ARPP21: variants seen among roughly 807,000 people sequenced by gnomAD.
ARPP21 encodes the protein cAMP regulated phosphoprotein 21, also known as cAMP-regulated phosphoprotein 21.
In ARPP21, 69 loss-of-function variants were observed where a neutral mutation model predicts 113.2. The observed-to-expected ratio is 0.61, with a 90% CI of 0.50 to 0.74. The LOEUF (loss-of-function observed/expected upper bound fraction) is 0.74. Ranked by LOEUF, ARPP21 falls within the 30% of genes least tolerant of loss-of-function variation. The pLI, the probability that ARPP21 is intolerant of heterozygous loss-of-function variation, is 0.00. For missense variants in ARPP21, 1,070 were observed against 1,037.4 expected, an observed-to-expected ratio of 1.03 and a Z score of -0.43; for synonymous variants, 368 against 375.5, an observed-to-expected ratio of 0.98 and a Z score of 0.23.
At chr3:35,711,082 GCTT>G (rs2090982530) in intron 11 of ARPP21, among the ~76,000 whole-genome samples, 1 of 152,198 alleles carries the variant, frequency 6.6e-6, no homozygotes, top group Non-Finnish European at 1.5e-5. Flanking sequence ...AAATGCTGTG[GCTT>G]CTTCTCTCTG....
At chr3:35,748,144 A>G (rs1159800961) in intron 19 of ARPP21, among the ~76,000 whole-genome samples, 1 of 145,820 alleles carries the variant, frequency 6.9e-6, no homozygotes, top group Non-Finnish European at 1.5e-5. Flanking sequence ...GAAAGGGAGA[A>G]AGGAGAGAGA....
intron 1 of ARPP21, among the ~76,000 whole-genome samples, chr3:35,651,500 A>G (rs1702375473): frequency 6.6e-6 from 1 of 152,080 alleles, no homozygotes; most frequent in African/African-American, 2.4e-5. Context: ...TAGCGCTGAA[A>G]GTAAGCACTA....
At chr3:35,717,119 G>A (rs1373509487) in intron 12 of ARPP21, among the ~76,000 whole-genome samples, 179 bp from the exon 13 acceptor site, 1 of 151,668 alleles carries the variant, frequency 6.6e-6, no homozygotes, top group Non-Finnish European at 1.5e-5. Flanking sequence ...CTTAATCCTA[G>A]GGTAGAGATC....
intron 1 of ARPP21, chr3:35,642,391 A>G (rs1367042884): frequency 6.6e-6 from 1 of 152,200 alleles, no homozygotes; most frequent in African/African-American, 2.4e-5. Flanking sequence ...TGGATACTGG[A>G]CAAGGATATT....
intron 19 of ARPP21, among the ~76,000 whole-genome samples, chr3:35,774,068 A>G (rs1424247791): frequency 1.3e-5 from 2 of 152,154 alleles, no homozygotes; most frequent in African/African-American, 2.4e-5. Context: ...AAATGTAGCT[A>G]TGGTAAGATA....
chr3:35,782,570 T>C (rs1413137177), intron 19 of ARPP21, among the ~76,000 whole-genome samples: 1 of 152,066 alleles, frequency 6.6e-6, no homozygotes, highest in Non-Finnish European at 1.5e-5. Flanking sequence ...ATAGTAGTAG[T>C]AGGTGACATG....
At chr3:35,779,021 A>C (rs2096458937) in intron 19 of ARPP21, among the ~76,000 whole-genome samples, 1 of 152,214 alleles carries the variant, frequency 6.6e-6, no homozygotes, top group African/African-American at 2.4e-5. Context: ...AAATGAGCTG[A>C]TAGTTTTAAA....
At chr3:35,644,961 A>G (rs1699643434) in intron 1 of ARPP21, among the ~76,000 whole-genome samples, 1 of 151,936 alleles carries the variant, frequency 6.6e-6, no homozygotes, top group Non-Finnish European at 1.5e-5. Flanking sequence ...TTTGTAATAA[A>G]CTGATATATA....
rs138414695 is a variant in ARPP21, at chr3:35,703,247, T to C, written c.687-3727T>C. Among the ~76,000 whole-genome samples, 13 of 152,006 alleles carry C rather than the reference T, an allele frequency of 8.6e-5. No homozygotes were observed. The East Asian group carries it at 2.5e-3, about 29-fold the overall frequency. ...TAAGAAAGATTAAAAATACTAATAA[T>C]AATGAGTGCTCATCTATTTCAAGCT... On this transcript the variant is annotated intron_variant, in intron 9 of 20. Transcript: ENST00000684406.
intron 1 of ARPP21, among the ~76,000 whole-genome samples, chr3:35,668,346 A>G (rs1322156759): frequency 2.0e-5 from 3 of 152,158 alleles, no homozygotes; most frequent in African/African-American, 7.2e-5. Flanking sequence ...TGGTGAGCCT[A>G]GTGGATTGCC....
At chr3:35,673,051 A>G (rs2076724878) in intron 1 of ARPP21, among the ~76,000 whole-genome samples, 1 of 152,052 alleles carries the variant, frequency 6.6e-6, no homozygotes, top group Admixed American at 6.6e-5. Flanking sequence ...AGTACTCAAT[A>G]AAAGGTAGTT....
intron 13 of ARPP21, among the ~76,000 whole-genome samples, chr3:35,719,626 C>T (rs1290218115): frequency 6.6e-6 from 1 of 152,104 alleles, no homozygotes. Context: ...GGATTCCTGC[C>T]ATGGAGGTGC....
chr3:35,708,707 G>T (rs867910209), intron 10 of ARPP21, among the ~76,000 whole-genome samples: 2 of 152,198 alleles, frequency 1.3e-5, no homozygotes, highest in Admixed American at 1.3e-4. Flanking sequence ...GCACAGTGAG[G>T]TGCACTCGTT....
At chr3:35,706,831 C>A in intron 9 of ARPP21, 143 bp from the exon 10 acceptor site, 1 of 601,008 alleles carries the variant, frequency 1.7e-6, no homozygotes, top group Non-Finnish European at 2.9e-6. Context: ...TATTACCTAC[C>A]TGTATATTGC....
rs1260254281 is a variant in ARPP21, at chr3:35,721,842, G to A, written c.1225+8G>A. 1 of 1,561,316 alleles carries A rather than the reference G, an allele frequency of 6.4e-7. No individual in the cohort carries two copies. Among genetic ancestry groups the A allele is most frequent in the Admixed American group, 1.8e-5 (1 of 56,176 alleles). On this transcript the variant is annotated splice_region_variant and intron_variant, in intron 14 of 20. Transcript: ENST00000684406. Reference sequence around the variant, plus strand: ...GGAAGCTGTCCAAAGCAGGTAGTTAGTACTGAATGTGTTTATGTCCTGTGG... The same window carrying A: ...GGAAGCTGTCCAAAGCAGGTAGTTAATACTGAATGTGTTTATGTCCTGTGG...
intron 19 of ARPP21, chr3:35,785,241 T>C (rs1033096383): frequency 9.2e-5 from 14 of 152,174 alleles, no homozygotes; most frequent in African/African-American, 3.1e-4. Flanking sequence ...AATGCCACAT[T>C]TTCTTCTAAG....
chr3:35,687,739 G>C lies in ARPP21; in HGVS notation c.262G>C (p.Glu88Gln). 1 of 1,597,912 alleles carries C rather than the reference G, an allele frequency of 6.3e-7. No homozygotes were observed. Among genetic ancestry groups the C allele is most frequent in the African/African-American group, 1.4e-5 (1 of 73,530 alleles). Residue 88 changes from glutamate (E) to glutamine (Q), a missense_variant and splice_region_variant, in exon 6 of 21, where the codon GAA becomes CAA. Transcript: ENST00000684406. The part of the protein sequence containing the change: ...RPGGESLQDQ[E>Q]SIHLQLSSFS... ...AATTATTATATTTTTTCCCCAACAGGAATCAATTCATTTACAGCTTTCCAG... is the reference window on the plus strand; with the variant it reads ...AATTATTATATTTTTTCCCCAACAGCAATCAATTCATTTACAGCTTTCCAG...
chr3:35,673,574 T>C (rs147192409), intron 1 of ARPP21, among the ~76,000 whole-genome samples: 3 of 152,108 alleles, frequency 2.0e-5, no homozygotes, highest in Admixed American at 2.0e-4. Flanking sequence ...AACAAAGATG[T>C]CATAGCAATG....
intron 1 of ARPP21, among the ~76,000 whole-genome samples, chr3:35,655,409 G>T (rs1336514620): frequency 6.6e-6 from 1 of 151,788 alleles, no homozygotes; most frequent in Non-Finnish European, 1.5e-5. Flanking sequence ...TCCCATTAAG[G>T]CTAGGATAAT....
Sources: gnomAD v4.1 joint callset for allele counts (sites outside exome capture counted in the v4.1 genomes callset) on GRCh38, gnomAD v4.1.1 for gene constraint, MANE v1.5 for transcripts, NCBI Gene and HGNC (gene_info 2026-07-23, HGNC 2026-07-21) for gene names.